Variants in NRXN3 observed in about 807,000 individuals in gnomAD.
The protein encoded by NRXN3 is neurexin 3, also known as neurexin III.
NRXN3 carries 32 observed loss-of-function variants against 137.6 expected under a neutral mutation model. The ratio of observed to expected loss-of-function variants is 0.23; its 90% CI spans 0.18 to 0.31. The LOEUF (loss-of-function observed/expected upper bound fraction) is 0.31, where lower values mean the gene tolerates loss of function less well. Ranked by LOEUF, NRXN3 falls within the 10% of genes least tolerant of loss-of-function variation. The pLI is 1.00. For synonymous variants in NRXN3, 798 were observed against 784.5 expected, an observed-to-expected ratio of 1.02 and a Z score of -0.29; for missense variants, 1,574 against 2,062.5, an observed-to-expected ratio of 0.76 and a Z score of 4.59.
At chr14:78,343,236 A>G (rs10483898) in intron 4 of NRXN3, among the ~76,000 whole-genome samples, 5,285 of 152,294 alleles carry the variant, frequency 0.035, 256 homozygotes, top group African/African-American at 0.12. Context: ...TCAACACCAC[A>G]CTATAAACTT....
chr14:79,850,922 C>A (rs1422880978), intron 20 of NRXN3, among the ~76,000 whole-genome samples: 1 of 152,140 alleles, frequency 6.6e-6, no homozygotes, highest in Non-Finnish European at 1.5e-5. Context: ...ACTACAGCTT[C>A]CATGGGTTTA....
At chr14:79,286,195 C>T (rs141413027) in intron 15 of NRXN3, among the ~76,000 whole-genome samples, 310 of 152,166 alleles carry the variant, frequency 2.0e-3, no homozygotes, top group African/African-American at 6.4e-3. Context: ...CTTTCTTTAC[C>T]TAGACCTGCT....
rs531745819 is a variant in NRXN3 at position 79,109,845 on chromosome 14, A to G, written c.3262+121704A>G. On this transcript the variant is annotated intron_variant, in intron 15 of 20. Transcript: ENST00000335750. ...ATAAGCATTGGCCTACCTTCCCAGT[A>G]CCTACAATAAAGCACACTAGGCCAA... Among the ~76,000 whole-genome samples the G allele has an allele frequency of 5.3e-5, 8 of 152,266 alleles. No individual in the cohort carries two copies. In the South Asian group the frequency reaches 6.2e-4, roughly 12 times the overall value.
At chr14:78,783,738 TGA>T (rs764944867) in intron 8 of NRXN3, among the ~76,000 whole-genome samples, 9 of 151,992 alleles carry the variant, frequency 5.9e-5, no homozygotes, top group Non-Finnish European at 1.2e-4. Flanking sequence ...CTTACAGAAT[TGA>T]GAGAGTCAAA....
intron 7 of NRXN3, among the ~76,000 whole-genome samples, chr14:78,710,472 T>C (rs1326560296): frequency 6.6e-6 from 1 of 152,140 alleles, no homozygotes; most frequent in Non-Finnish European, 1.5e-5. Context: ...TTCTGTGCTA[T>C]CAGAAAGGGC....
intron 4 of NRXN3, among the ~76,000 whole-genome samples, chr14:78,547,229 C>T (rs527459276): frequency 1.5e-4 from 23 of 148,640 alleles, no homozygotes; most frequent in South Asian, 2.1e-4. Context: ...TTTTTTGAGA[C>T]GGAGTCTCTC....
intron 4 of NRXN3, among the ~76,000 whole-genome samples, chr14:78,475,616 C>G (rs954853590): frequency 6.6e-6 from 1 of 152,146 alleles, no homozygotes; most frequent in Non-Finnish European, 1.5e-5. Flanking sequence ...ACAGCCAAAG[C>G]CTACAAATTA....
chr14:78,734,381 G>A (rs1170137617), intron 8 of NRXN3, among the ~76,000 whole-genome samples: 1 of 152,108 alleles, frequency 6.6e-6, no homozygotes, highest in Non-Finnish European at 1.5e-5. Flanking sequence ...ACATAGATGA[G>A]CACTCCTGCA....
chr14:79,494,193 C>T (rs2096744158), intron 16 of NRXN3, among the ~76,000 whole-genome samples: 1 of 152,094 alleles, frequency 6.6e-6, no homozygotes, highest in Admixed American at 6.6e-5. Flanking sequence ...TCATTAAAAC[C>T]AAACAAAACC....
chr14:79,043,901 T>C (rs1595306276), intron 15 of NRXN3, among the ~76,000 whole-genome samples: 1 of 152,182 alleles, frequency 6.6e-6, no homozygotes, highest in African/African-American at 2.4e-5. Context: ...AGCTTGGCAG[T>C]TTTGACATTT....
At chr14:79,846,930 G>A (rs917654351) in intron 20 of NRXN3, among the ~76,000 whole-genome samples, 6 of 152,178 alleles carry the variant, frequency 3.9e-5, no homozygotes, top group African/African-American at 7.2e-5. Context: ...TAGCTTTAAA[G>A]TTGTGGTGAC....
At chr14:78,425,878 T>A (rs966375312) in intron 4 of NRXN3, among the ~76,000 whole-genome samples, 5 of 152,156 alleles carry the variant, frequency 3.3e-5, no homozygotes, top group South Asian at 2.1e-4. Context: ...AAATTAGCTG[T>A]GAGTGTAACA....
At position 78,314,911 on chromosome 14, in the gene NRXN3, CTTTCTTTCTTT is replaced by C. The variant is rs2153549204; in HGVS notation, c.757+17052_757+17062del. Among the ~76,000 whole-genome samples the C allele has an allele frequency of 8.1e-5, 9 of 110,566 alleles. No homozygotes were observed. The South Asian group carries it at 3.0e-3, about 37-fold the overall frequency. The allele number at this position is 110,566 out of a possible 152,430, so 72.5% of individuals were successfully genotyped here. On this transcript the variant is annotated intron_variant, in intron 4 of 20. Coordinates refer to ENST00000335750, the MANE Select transcript of NRXN3 (RefSeq NM_001330195.2). Reference sequence around the variant, plus strand: ...TTTCTTTCTCTTTCTTTCTTTCTTTCTTTCTTTCTTTCTTTCTTTCTTTCTTTCTTTCTTCC... The same window carrying C: ...TTTCTTTCTCTTTCTTTCTTTCTTTCCTTTCTTTCTTTCTTTCTTTCTTCC...
At chr14:79,660,150 C>T (rs1197960580) in intron 16 of NRXN3, among the ~76,000 whole-genome samples, 3 of 152,160 alleles carry the variant, frequency 2.0e-5, no homozygotes, top group Non-Finnish European at 2.9e-5. Flanking sequence ...TTTCTAGACA[C>T]ATGAGCCAGC....
intron 19 of NRXN3, among the ~76,000 whole-genome samples, chr14:79,743,572 TA>T (rs2098969841): frequency 6.6e-6 from 1 of 152,188 alleles, no homozygotes; most frequent in Non-Finnish European, 1.5e-5. Flanking sequence ...TAAAGATTTT[TA>T]AAACATTCCC....
intron 8 of NRXN3, among the ~76,000 whole-genome samples, chr14:78,719,893 G>A (rs1239968217): frequency 6.6e-6 from 1 of 152,070 alleles, no homozygotes; most frequent in Non-Finnish European, 1.5e-5. Context: ...TACCGTTAGT[G>A]TTACCTGCAC....
At chr14:78,483,629 A>G (rs1444232143) in intron 4 of NRXN3, among the ~76,000 whole-genome samples, 1 of 152,254 alleles carries the variant, frequency 6.6e-6, no homozygotes, top group Non-Finnish European at 1.5e-5. Flanking sequence ...CATGAGAGAC[A>G]ACCAAAGTTT....
chr14:79,011,332 T>C (rs912247511), intron 15 of NRXN3, among the ~76,000 whole-genome samples: 5 of 148,624 alleles, frequency 3.4e-5, no homozygotes, highest in Middle Eastern at 7.0e-3. Flanking sequence ...CGCTTTGGTC[T>C]CACAGGTTCC....
chr14:79,367,123 A>G (rs760734203), intron 15 of NRXN3, among the ~76,000 whole-genome samples: 1 of 151,852 alleles, frequency 6.6e-6, no homozygotes, highest in Non-Finnish European at 1.5e-5. Context: ...AGCTGGGACT[A>G]CAGGCGTCCA....
Sources: gnomAD v4.1 joint callset for allele counts (sites outside exome capture counted in the v4.1 genomes callset) on GRCh38, gnomAD v4.1.1 for gene constraint, MANE v1.5 for transcripts, NCBI Gene and HGNC (gene_info 2026-07-23, HGNC 2026-07-21) for gene names.